The following MYL10 variants were observed in gnomAD, a reference collection of about 807,000 sequenced individuals.
MYL10 encodes the protein myosin regulatory light chain 10.
Under a neutral mutation model 21.9 loss-of-function variants are expected in MYL10, and 18 were observed. That is an observed-to-expected ratio of 0.82 (90% CI 0.57 to 1.22). The LOEUF is 1.22. Ranked by LOEUF, MYL10 falls within the 50% of genes most tolerant of loss-of-function variation. MYL10 has a pLI of 0.00. For synonymous variants in MYL10, 88 were observed against 82.8 expected (o/e 1.06, Z -0.34); for missense variants, 225 against 230.4 (o/e 0.98, Z 0.15).
chr7:101,622,473 G>A (rs1796691719), intron 4 of MYL10, among the ~76,000 whole-genome samples: 1 of 152,150 alleles, frequency 6.6e-6, no homozygotes, highest in Admixed American at 6.5e-5. Flanking sequence ...GGTGCACGGG[G>A]GCTGCAGGCT....
Position 101,616,289 on chromosome 7 carries a change from G to T in MYL10, c.464C>A (p.Pro155Gln), listed in dbSNP as rs746059992. Residue 155 changes from proline (P) to glutamine (Q), a missense_variant, in exon 6 of 8, where the codon CCA becomes CAA. Physicochemically the swap from Pro to Gln is moderately conservative, Grantham distance 76 (BLOSUM62 -1). Coordinates refer to ENST00000223167, the MANE Select transcript of MYL10 (RefSeq NM_138403.5). ...MFGEKLKGTD[P>Q]EETILHAFKV... Reference sequence around the variant, plus strand: ...GAAGGCGTGGAGAATGGTCTCCTCTGGGTCCGTGCCTATAAGCAGCACATA... The same window carrying T: ...GAAGGCGTGGAGAATGGTCTCCTCTTGGTCCGTGCCTATAAGCAGCACATA... 6.2e-7 allele frequency: 1 copy of T among 1,613,966 alleles called. No individual in the cohort carries two copies. Among genetic ancestry groups the T allele is most frequent in the Non-Finnish European group, 8.5e-7 (1 of 1,179,868 alleles).
At chr7:101,628,816 C>T (rs904430089) in intron 1 of MYL10, among the ~76,000 whole-genome samples, 1 of 152,220 alleles carries the variant, frequency 6.6e-6, no homozygotes, top group South Asian at 2.1e-4. Context: ...CCTTCAGCCC[C>T]GGGTACAGCT....
intron 1 of MYL10, among the ~76,000 whole-genome samples, chr7:101,627,138 A>G (rs1222390032): frequency 8.2e-6 from 1 of 121,760 alleles, no homozygotes; most frequent in Non-Finnish European, 1.6e-5. Context: ...CCAAAAATAC[A>G]AAAAAAAAAA....
intron 1 of MYL10, among the ~76,000 whole-genome samples, chr7:101,624,926 A>C (rs1584542077): frequency 6.8e-6 from 1 of 146,830 alleles, no homozygotes; most frequent in African/African-American, 2.5e-5. Context: ...ACCCCAGGCC[A>C]CTCTCCCCTC....
chr7:101,626,119 G>A (rs879879947), intron 1 of MYL10, among the ~76,000 whole-genome samples: 2 of 152,226 alleles, frequency 1.3e-5, no homozygotes, highest in African/African-American at 4.8e-5. Flanking sequence ...AAGAAGGGGG[G>A]GTCACCCGGA....
intron 1 of MYL10, 72 bp downstream of exon 1, chr7:101,628,969 C>A: frequency 2.3e-6 from 1 of 439,486 alleles, no homozygotes; most frequent in South Asian, 1.6e-5. Flanking sequence ...GAAACTGAGG[C>A]ACGCATGGGT....
intron 4 of MYL10, 128 bp from the exon 5 acceptor site, chr7:101,622,328 CT>C (rs1278267010): frequency 1.8e-5 from 11 of 625,470 alleles, no homozygotes; most frequent in East Asian, 3.1e-5. Context: ...GCCCTGACGC[CT>C]TTTTGGGGGA....
chr7:101,618,040 G>A (rs965947521), intron 5 of MYL10, among the ~76,000 whole-genome samples: 1 of 152,226 alleles, frequency 6.6e-6, no homozygotes, highest in African/African-American at 2.4e-5. Context: ...GGCCATCTGT[G>A]CCTCCCCCAT....
chr7:101,613,677 G>A lies in MYL10; in HGVS notation c.567C>T (p.Arg189=), dbSNP rs1397414918. The part of the protein sequence containing the change: ...IKEKLMTQAD[R]FSEEEVKQMF... ...CCCAGTTTACCTCCTCCTCACTGAA[G>A]CGGTCTGCCTGGGTCATAAGTTTTT... Residue 189 remains arginine, a synonymous_variant, in exon 7 of 8, where the codon CGC becomes CGT. Coordinates refer to ENST00000223167, the MANE Select transcript of MYL10 (RefSeq NM_138403.5). The A allele has an allele frequency of 6.2e-7, 1 of 1,614,078 alleles. No individual in the cohort carries two copies. Among genetic ancestry groups the A allele is most frequent in the Non-Finnish European group, 8.5e-7 (1 of 1,180,036 alleles).
chr7:101,614,146 G>A (rs1205847865), intron 6 of MYL10, among the ~76,000 whole-genome samples: 6 of 152,192 alleles, frequency 3.9e-5, no homozygotes, highest in Admixed American at 6.5e-5. Context: ...GCTCTGCCAA[G>A]GGTACAGGAA....
chr7:101,628,498 G>C (rs542605402), intron 1 of MYL10, among the ~76,000 whole-genome samples: 2 of 152,208 alleles, frequency 1.3e-5, no homozygotes, highest in African/African-American at 4.8e-5. Context: ...CTCTGATGAG[G>C]AAGAACTGAA....
At chr7:101,618,182 T>G (rs1796631632) in intron 5 of MYL10, among the ~76,000 whole-genome samples, 1 of 152,236 alleles carries the variant, frequency 6.6e-6, no homozygotes, top group Non-Finnish European at 1.5e-5. Context: ...CGCCATGGAC[T>G]GCCTCTGGGC....
intron 5 of MYL10, among the ~76,000 whole-genome samples, chr7:101,618,927 C>T (rs1237639212): frequency 1.3e-5 from 2 of 152,218 alleles, no homozygotes; most frequent in African/African-American, 4.8e-5. Flanking sequence ...TTGGGGCCCA[C>T]TGTGAGCTGA....
chr7:101,616,583 G>A (rs1219714471), intron 5 of MYL10, among the ~76,000 whole-genome samples: 1 of 152,246 alleles, frequency 6.6e-6, no homozygotes, highest in Admixed American at 6.5e-5. Context: ...CCCTGATTGA[G>A]CATTTAATTT....
intron 5 of MYL10, among the ~76,000 whole-genome samples, chr7:101,617,441 C>T (rs1183440459): frequency 6.6e-6 from 1 of 152,238 alleles, no homozygotes; most frequent in Non-Finnish European, 1.5e-5. Context: ...ATTACTTGCC[C>T]AAGTCCCCAC....
At chr7:101,613,608 C>T in intron 7 of MYL10, 35 bp from the exon 8 acceptor site, 1 of 1,613,774 alleles carries the variant, frequency 6.2e-7, no homozygotes, top group South Asian at 1.1e-5. Flanking sequence ...TGCACCAGGC[C>T]AAGTGGGGGC....
rs144539367 is a variant in MYL10, at chr7:101,623,011, G to A, written c.335C>T (p.Thr112Ile). ...GGCTCACCCACCCAGCGCGGCAAAG[G>A]TGTCCCTCAAGTCCTCTTTGTCGAT... ...GFIDKEDLRD[T>I]FAALGRINVK... Residue 112 changes from threonine to isoleucine, a missense_variant, in exon 4 of 8, where the codon ACC becomes ATC. Transcript: ENST00000223167. 43 of 1,613,998 alleles carry A rather than the reference G, an allele frequency of 2.7e-5. 1 individual carries two copies. The South Asian group carries it at 4.5e-4, about 17-fold the overall frequency.
chr7:101,627,377 T>C (rs74859355), intron 1 of MYL10: 6,859 of 150,714 alleles, frequency 0.046, 582 homozygotes, highest in African/African-American at 0.16. Context: ...GGGACCGCAG[T>C]GCTGAAGCCA....
chr7:101,615,206 G>A (rs906742017), intron 6 of MYL10, among the ~76,000 whole-genome samples: 1 of 152,086 alleles, frequency 6.6e-6, no homozygotes, highest in African/African-American at 2.4e-5. Context: ...TGCCCGAGGC[G>A]GTGCTGGCTA....
Sources: allele counts gnomAD v4.1 joint callset (sites outside exome capture counted in the v4.1 genomes callset), GRCh38; gene constraint gnomAD v4.1.1; transcripts MANE v1.5; gene names NCBI Gene and HGNC (gene_info 2026-07-23, HGNC 2026-07-21).